Variants in GJA4 observed in about 807,000 individuals in gnomAD.
GJA4 encodes the protein gap junction alpha-4 protein.
Under a neutral mutation model 25.1 loss-of-function variants are expected in GJA4, and 13 were observed. The observed-to-expected ratio is 0.52, with a 90% CI of 0.34 to 0.82. GJA4 has a LOEUF of 0.82. Among genes scored for constraint, GJA4 ranks in the 40% least tolerant of loss-of-function variants. GJA4 has a pLI of 0.02. For synonymous variants in GJA4, 167 were observed against 193.9 expected (o/e 0.86, Z 1.15); for missense variants, 357 against 443.5 (o/e 0.80, Z 1.75).
Position 34,794,096 on chromosome 1 carries a change from TTGTAGGTA to T in GJA4, c.-17-100_-17-93del, listed in dbSNP as rs1640232880. 1.1e-6 allele frequency: 1 copy of T among 910,370 alleles called. No individual in the cohort carries two copies. Among genetic ancestry groups the T allele is most frequent in the African/African-American group, 1.7e-5 (1 of 60,150 alleles). 56.4% of individuals were successfully genotyped at this position (910,370 alleles called of 1,614,324 possible). On this transcript the variant is annotated intron_variant, in intron 1 of 1. Coordinates refer to ENST00000342280, the MANE Select transcript of GJA4 (RefSeq NM_002060.3). The surrounding 1 kb of genome is among the most constrained non-coding windows in gnomAD (Gnocchi z 7.8). Reference sequence around the variant, plus strand: ...TTCCCCTTCCTGAGCCTGGGTTTCTTTGTAGGTAGAACGGGCGTGGCAGACCTCCCTGC... The same window carrying T: ...TTCCCCTTCCTGAGCCTGGGTTTCTTGAACGGGCGTGGCAGACCTCCCTGC...
At position 34,793,032 on chromosome 1, in the gene GJA4, G is replaced by A. The variant is rs377389117; in HGVS notation, c.-54G>A. 2 of 345,968 alleles carry A rather than the reference G, an allele frequency of 5.8e-6. No homozygotes were observed. The highest frequency in any genetic ancestry group is 1.1e-5 in the Non-Finnish European group (2 of 174,104). 21.4% of individuals were successfully genotyped at this position (345,968 alleles called of 1,614,324 possible). ...TCCCGCGGGCGTCACTCCGGCCATC[G>A]TCCCCACCTCCACCTGGGCCGCCCG... On this transcript the variant is annotated 5_prime_UTR_variant, in exon 1 of 2. Coordinates refer to ENST00000342280, the MANE Select transcript of GJA4 (RefSeq NM_002060.3).
In GJA4 at chr1:34,794,899, T is replaced by C; in HGVS notation, c.686T>C (p.Val229Ala). Residue 229 changes from valine (V) to alanine (A), a missense_variant, in exon 2 of 2, where the codon GTG becomes GCG. This residue lies in a region of GJA4 where 278 missense variants were observed against 298.1 expected (regional missense o/e 0.93). Transcript: ENST00000342280. This position sits in a 1 kb window ranked among gnomAD's most constrained non-coding sequence, Gnocchi z 7.8. ...CTGGTGCTTAACCTGCTGGAGTTGG[T>C]GCACCTGCTGTGTCGCTGCCTCAGC... is the stretch of plus-strand genomic sequence containing the variant. ...ISLVLNLLEL[V>A]HLLCRCLSRG... The C allele has an allele frequency of 6.2e-7, 1 of 1,614,132 alleles. No individual in the cohort carries two copies. The highest frequency in any genetic ancestry group is 8.5e-7 in the Non-Finnish European group (1 of 1,180,000).
Position 34,794,649 on chromosome 1 carries a change from C to T in GJA4, c.436C>T (p.Arg146Cys), listed in dbSNP as rs1243767574. Residue 146 changes from arginine (R) to cysteine (C), a missense_variant, in exon 2 of 2, where the codon CGC becomes TGC. By Grantham distance (180) the Arg-to-Cys change is radical. Around this residue, in one of 2 missense-constraint regions of GJA4, gnomAD observed 278 missense variants for 298.1 expected, o/e 0.93. Coordinates refer to ENST00000342280, the MANE Select transcript of GJA4 (RefSeq NM_002060.3). This position sits in a 1 kb window ranked among gnomAD's most constrained non-coding sequence, Gnocchi z 7.8. ...CTCGGTGGCAGAAGATGGTCGCCTGCGCATCCGCGGAGCACTGATGGGCAC... is the reference window on the plus strand; with the variant it reads ...CTCGGTGGCAGAAGATGGTCGCCTGTGCATCCGCGGAGCACTGATGGGCAC... ...KISVAEDGRL[R>C]IRGALMGTYV... is the part of the protein sequence containing the mutation. The T allele has an allele frequency of 5.0e-6, 8 of 1,606,834 alleles. No individual in the cohort carries two copies. The highest frequency in any genetic ancestry group is 6.8e-6 in the Non-Finnish European group (8 of 1,179,680).
rs139415514 is a variant in GJA4, at chr1:34,794,969, G to T, written c.756G>T (p.Gln252His). Residue 252 changes from glutamine to histidine, a missense_variant, in exon 2 of 2, where the codon CAG (glutamine) becomes CAT (histidine). By Grantham distance (24) the Gln-to-His change is conservative. Coordinates refer to ENST00000342280, the MANE Select transcript of GJA4 (RefSeq NM_002060.3). This position sits in a 1 kb window ranked among gnomAD's most constrained non-coding sequence, Gnocchi z 7.8. ...AAGGCCAAGACGCACCCCCGACCCA[G>T]GGCACCTCCTCAGACCCTTACACGG... Reference protein sequence around the residue: ...ARQGQDAPPTQGTSSDPYTDQ... With the variant: ...ARQGQDAPPTHGTSSDPYTDQ... 2 of 1,613,972 alleles carry T rather than the reference G, an allele frequency of 1.2e-6. No homozygotes were observed. Among genetic ancestry groups the T allele is most frequent in the African/African-American group, 2.7e-5 (2 of 74,914 alleles).
In GJA4 at chr1:34,794,262, C is replaced by A. The variant is rs1200616669; in HGVS notation, c.49C>A (p.His17Asn). The A allele has an allele frequency of 7.4e-6, 12 of 1,614,128 alleles. No individual in the cohort carries two copies. The highest frequency in any genetic ancestry group is 1.0e-5 in the Non-Finnish European group (12 of 1,179,980). The change falls in exon 2 of 2, where the codon CAC becomes AAC. Residue 17 changes from histidine (H) to asparagine (N), a missense_variant. By Grantham distance (68) the His-to-Asn change is moderately conservative. Transcript: ENST00000342280. This position sits in a 1 kb window ranked among gnomAD's most constrained non-coding sequence, Gnocchi z 7.8. ...GAAGTTGCTGGACCAGGTCCAGGAG[C>A]ACTCGACCGTGGTGGGTAAGATCTG... ...LEKLLDQVQE[H>N]STVVGKIWLT...
In GJA4 at chr1:34,794,781, G is replaced by A. The variant is rs780224203; in HGVS notation, c.568G>A (p.Ala190Thr). The A allele has an allele frequency of 8.7e-6, 14 of 1,613,926 alleles. No individual in the cohort carries two copies. The highest frequency in any genetic ancestry group is 1.1e-5 in the Non-Finnish European group (13 of 1,180,028). ...GGAGCCCGTGTTTGTGTGCCAGCGAGCACCCTGCCCCTACCTCGTGGACTG... is the reference window on the plus strand; with the variant it reads ...GGAGCCCGTGTTTGTGTGCCAGCGAACACCCTGCCCCTACCTCGTGGACTG... ...TMEPVFVCQRAPCPYLVDCFV... is the reference protein window; with the variant it reads ...TMEPVFVCQRTPCPYLVDCFV... The change falls in exon 2 of 2, where the codon GCA (alanine) becomes ACA (threonine). Residue 190 changes from alanine (A) to threonine (T), a missense_variant. Coordinates refer to ENST00000342280, the MANE Select transcript of GJA4 (RefSeq NM_002060.3). The surrounding 1 kb of genome is among the most constrained non-coding windows in gnomAD (Gnocchi z 7.8).
chr1:34,795,444 A>G lies in GJA4; in HGVS notation c.*229A>G. 1 of 248,056 alleles carries G rather than the reference A, an allele frequency of 4.0e-6. No homozygotes were observed. Among genetic ancestry groups the G allele is most frequent in the East Asian group, 6.7e-5 (1 of 14,858 alleles). 15.4% of individuals were successfully genotyped at this position (248,056 alleles called of 1,614,324 possible). Reference sequence around the variant, plus strand: ...AATGTGGCTTTGCCTGAGCACAGACAGAGTCAGCATGGAATGCTCTTGGCC... The same window carrying G: ...AATGTGGCTTTGCCTGAGCACAGACGGAGTCAGCATGGAATGCTCTTGGCC... On this transcript the variant is annotated 3_prime_UTR_variant, in exon 2 of 2. Coordinates refer to ENST00000342280, the MANE Select transcript of GJA4 (RefSeq NM_002060.3).
intron 1 of GJA4, chr1:34,793,954 T>C: frequency 1.9e-6 from 1 of 536,406 alleles, no homozygotes; most frequent in East Asian, 3.1e-5. Flanking sequence ...GATGTCTGAT[T>C]AGGCAGGGAC....
chr1:34,795,100 C>T lies in GJA4; in HGVS notation c.887C>T (p.Thr296Ile). The T allele has an allele frequency of 6.2e-7, 1 of 1,613,858 alleles. No individual in the cohort carries two copies. The highest frequency in any genetic ancestry group is 8.5e-7 in the Non-Finnish European group (1 of 1,179,932). ...GAGCAGAACTGGGCCAACCTGACCA[C>T]AGAGGAGAGGCTGGCGTCTTCCAGG... ...SSEQNWANLT[T>I]EERLASSRPP... Residue 296 changes from threonine (T) to isoleucine (I), a missense_variant, in exon 2 of 2, where the codon ACA (threonine) becomes ATA (isoleucine). This residue lies in a region of GJA4 where 278 missense variants were observed against 298.1 expected (regional missense o/e 0.93). Coordinates refer to ENST00000342280, the MANE Select transcript of GJA4 (RefSeq NM_002060.3).
In GJA4 at chr1:34,793,038, A is replaced by C; in HGVS notation, c.-48A>C. The C allele has an allele frequency of 2.9e-6, 1 of 340,006 alleles. No homozygotes were observed. The highest frequency in any genetic ancestry group is 5.8e-6 in the Non-Finnish European group (1 of 171,736). The allele number at this position is 340,006 out of a possible 1,614,324, so 21.1% of individuals were successfully genotyped here. A position where few individuals can be genotyped will look rare whatever the true frequency, so the allele number is the denominator to read the frequency against. ...GGGCGTCACTCCGGCCATCGTCCCC[A>C]CCTCCACCTGGGCCGCCCGGCAGGC... is the stretch of plus-strand genomic sequence containing the variant. On this transcript the variant is annotated 5_prime_UTR_variant, in exon 1 of 2. Transcript: ENST00000342280.
In GJA4 at chr1:34,794,684, C is replaced by CAGTGTGCTCTGCAAG; in HGVS notation, c.480_494dup (p.Cys161_Leu165dup). The CAGTGTGCTCTGCAAG allele has an allele frequency of 6.2e-7, 1 of 1,611,826 alleles. No individual in the cohort carries two copies. The highest frequency in any genetic ancestry group is 8.5e-7 in the Non-Finnish European group (1 of 1,179,994). On this transcript the variant is annotated inframe_insertion, in exon 2 of 2. Transcript: ENST00000342280. The surrounding 1 kb of genome is among the most constrained non-coding windows in gnomAD (Gnocchi z 7.8). ...GAGCACTGATGGGCACCTATGTCGC[C>CAGTGTGCTCTGCAAG]AGTGTGCTCTGCAAGAGTGTGCTAG...
At position 34,794,035 on chromosome 1, in the gene GJA4, G is replaced by T; in HGVS notation, c.-17-162G>T. 1.6e-6 allele frequency: 1 copy of T among 623,380 alleles called. No homozygotes were observed. Among genetic ancestry groups the T allele is most frequent in the Non-Finnish European group, 2.8e-6 (1 of 357,454 alleles). The allele number at this position is 623,380 out of a possible 1,614,324, so 38.6% of individuals were successfully genotyped here. ...CATCCAAAAATCTGGGTTGGGTCCT[G>T]CCTGCACTGCTGAGTGGGAGCCTCC... is the stretch of plus-strand genomic sequence containing the variant. On this transcript the variant is annotated intron_variant, in intron 1 of 1. Transcript: ENST00000342280. The surrounding 1 kb of genome is among the most constrained non-coding windows in gnomAD (Gnocchi z 7.8).
chr1:34,795,223 T>C lies in GJA4; in HGVS notation c.*8T>C. The C allele has an allele frequency of 6.3e-7, 1 of 1,579,266 alleles. No individual in the cohort carries two copies. Among genetic ancestry groups the C allele is most frequent in the Non-Finnish European group, 8.6e-7 (1 of 1,161,594 alleles). Reference sequence around the variant, plus strand: ...AAGAAGCAGTATGTATAGAGGCCTGTGGCTTATGTCACCCAACAGAGGGGT... The same window carrying C: ...AAGAAGCAGTATGTATAGAGGCCTGCGGCTTATGTCACCCAACAGAGGGGT... On this transcript the variant is annotated 3_prime_UTR_variant, in exon 2 of 2. Coordinates refer to ENST00000342280, the MANE Select transcript of GJA4 (RefSeq NM_002060.3).
chr1:34,793,645 C>G (rs908730066), intron 1 of GJA4, among the ~76,000 whole-genome samples: 1 of 152,308 alleles, frequency 6.6e-6, no homozygotes, highest in Non-Finnish European at 1.5e-5. Context: ...CACTACCCAG[C>G]CCCTGCAGGC....
At position 34,794,364 on chromosome 1, in the gene GJA4, G is replaced by T. The variant is rs1158143262; in HGVS notation, c.151G>T (p.Asp51Tyr). ...GTCAGTGTGGGGTGACGAGCAATCA[G>T]ATTTCGAGTGTAACACGGCCCAGCC... is the stretch of plus-strand genomic sequence containing the variant. ...GESVWGDEQS[D>Y]FECNTAQPGC... is the part of the protein sequence containing the mutation. Residue 51 changes from aspartate (D) to tyrosine (Y), a missense_variant, in exon 2 of 2, where the codon GAT becomes TAT. Physicochemically the swap from Asp to Tyr is radical, Grantham distance 160 (BLOSUM62 -3). This residue lies in a region of GJA4 where 79 missense variants were observed against 145.4 expected (regional missense o/e 0.54). Coordinates refer to ENST00000342280, the MANE Select transcript of GJA4 (RefSeq NM_002060.3). This position sits in a 1 kb window ranked among gnomAD's most constrained non-coding sequence, Gnocchi z 7.8. 2 of 1,614,070 alleles carry T rather than the reference G, an allele frequency of 1.2e-6. No homozygotes were observed. Among genetic ancestry groups the T allele is most frequent in the African/African-American group, 2.7e-5 (2 of 74,912 alleles).
Position 34,794,568 on chromosome 1 carries a change from A to G in GJA4, c.355A>G (p.Lys119Glu). The G allele has an allele frequency of 6.2e-7, 1 of 1,609,282 alleles. No homozygotes were observed. Among genetic ancestry groups the G allele is most frequent in the Non-Finnish European group, 8.5e-7 (1 of 1,179,946 alleles). Residue 119 changes from lysine (K) to glutamate (E), a missense_variant, in exon 2 of 2, where the codon AAG (lysine) becomes GAG (glutamate). Physicochemically the swap from Lys to Glu is moderately conservative, Grantham distance 56. This residue lies in a region of GJA4 where 278 missense variants were observed against 298.1 expected (regional missense o/e 0.93). Coordinates refer to ENST00000342280, the MANE Select transcript of GJA4 (RefSeq NM_002060.3). The surrounding 1 kb of genome is among the most constrained non-coding windows in gnomAD (Gnocchi z 7.8). ...KEGELRALPA[K>E]DPQVERALAA... Reference sequence around the variant, plus strand: ...GGGGGAGCTGCGGGCACTGCCGGCCAAGGACCCACAGGTGGAGCGGGCGCT... The same window carrying G: ...GGGGGAGCTGCGGGCACTGCCGGCCGAGGACCCACAGGTGGAGCGGGCGCT...
At position 34,794,231 on chromosome 1, in the gene GJA4, C is replaced by T. The variant is rs1321636725; in HGVS notation, c.18C>T (p.Phe6=). The T allele has an allele frequency of 6.2e-7, 1 of 1,613,960 alleles. No individual in the cohort carries two copies. The highest frequency in any genetic ancestry group is 1.3e-5 in the African/African-American group (1 of 74,930). The part of the protein sequence containing the change: MGDWG[F]LEKLLDQVQE... The stretch of plus-strand genomic sequence containing the variant: ...CGGGAGCCATGGGTGACTGGGGCTT[C>T]CTGGAGAAGTTGCTGGACCAGGTCC... The change falls in exon 2 of 2, where the codon TTC becomes TTT. Residue 6 remains phenylalanine, a synonymous_variant. Coordinates refer to ENST00000342280, the MANE Select transcript of GJA4 (RefSeq NM_002060.3). The surrounding 1 kb of genome is among the most constrained non-coding windows in gnomAD (Gnocchi z 7.8).
rs1264540693 is a variant in GJA4, at chr1:34,794,104, AG to A, written c.-17-92del. 2.1e-6 allele frequency: 2 copies of A among 969,330 alleles called. No homozygotes were observed. Among genetic ancestry groups the A allele is most frequent in the Non-Finnish European group, 3.1e-6 (2 of 652,190 alleles). 60.0% of individuals were successfully genotyped at this position (969,330 alleles called of 1,614,324 possible). A position where few individuals can be genotyped will look rare whatever the true frequency, so the allele number is the denominator to read the frequency against. On this transcript the variant is annotated intron_variant, in intron 1 of 1. Coordinates refer to ENST00000342280, the MANE Select transcript of GJA4 (RefSeq NM_002060.3). This position sits in a 1 kb window ranked among gnomAD's most constrained non-coding sequence, Gnocchi z 7.8. ...CCTGAGCCTGGGTTTCTTTGTAGGT[AG>A]AACGGGCGTGGCAGACCTCCCTGCA...
In GJA4 at chr1:34,794,318, C is replaced by A. The variant is rs200215817; in HGVS notation, c.105C>A (p.Leu35=). 6.2e-7 allele frequency: 1 copy of A among 1,614,232 alleles called. No homozygotes were observed. The highest frequency in any genetic ancestry group is 8.5e-7 in the Non-Finnish European group (1 of 1,180,032). ...CGGTGCTCTTCATCTTCCGCATCCT[C>A]ATCCTGGGCCTGGCCGGCGAGTCAG... The part of the protein sequence containing the change: ...WLTVLFIFRI[L]ILGLAGESVW... Residue 35 remains leucine (L), a synonymous_variant, in exon 2 of 2, where the codon CTC becomes CTA. Transcript: ENST00000342280. The surrounding 1 kb of genome is among the most constrained non-coding windows in gnomAD (Gnocchi z 7.8).
Sources: gnomAD v4.1 joint callset for allele counts (sites outside exome capture counted in the v4.1 genomes callset) on GRCh38, gnomAD v4.1.1 for gene constraint, gnomAD v4.1.1 regional missense constraint, Gnocchi (gnomAD v3.1) non-coding constraint, MANE v1.5 for transcripts, NCBI Gene and HGNC (gene_info 2026-07-23, HGNC 2026-07-21) for gene names.